The following PTK6 variants were observed in gnomAD, a reference collection of about 807,000 sequenced individuals.
PTK6 encodes the protein protein tyrosine kinase 6.
PTK6 carries 47 observed loss-of-function variants against 47.5 expected under a neutral mutation model. The observed-to-expected ratio is 0.99, with a 90% CI of 0.78 to 1.26. PTK6 has a LOEUF of 1.26. PTK6 is among the 50% of genes most tolerant of loss of function. The probability of loss-of-function intolerance (pLI) is 0.00; values close to 1 mark genes in which losing one functional copy is unlikely to be tolerated. For synonymous variants in PTK6, 287 were observed against 276.5 expected, an observed-to-expected ratio of 1.04 and a Z score of -0.38; for missense variants, 618 against 625.3, an observed-to-expected ratio of 0.99 and a Z score of 0.12.
Position 63,530,626 on chromosome 20 carries a change from T to C in PTK6, c.1014+120A>G, listed in dbSNP as rs2082610703. ...TCCCACCTCCCTGCCCAGCCTGGGC[T>C]CCCGAGGGCAGGGGCCGCATCCTGC... On this transcript the variant is annotated intron_variant, in intron 6 of 7. Transcript: ENST00000542869. This position sits in a 1 kb window ranked among gnomAD's most constrained non-coding sequence, Gnocchi z 4.1. The C allele has an allele frequency of 7.9e-7, 1 of 1,268,564 alleles. No homozygotes were observed. Among genetic ancestry groups the C allele is most frequent in the Non-Finnish European group, 1.1e-6 (1 of 931,900 alleles). 78.6% of individuals were successfully genotyped at this position (1,268,564 alleles called of 1,614,324 possible). A position where few individuals can be genotyped will look rare whatever the true frequency, so the allele number is the denominator to read the frequency against.
rs953109529 is a variant in PTK6 at position 63,533,267 on chromosome 20, C to T, written c.670+284G>A. ...ATTTTTAGTAGAGACGTGGTTTCCCCATGTTGGCCAGGCTGGTCTCAAACT... is the reference window on the plus strand; with the variant it reads ...ATTTTTAGTAGAGACGTGGTTTCCCTATGTTGGCCAGGCTGGTCTCAAACT... On this transcript the variant is annotated intron_variant, in intron 4 of 7. Coordinates refer to ENST00000542869, the MANE Select transcript of PTK6 (RefSeq NM_005975.4). The surrounding 1 kb of genome is among the most constrained non-coding windows in gnomAD (Gnocchi z 4.0). 3.3e-5 allele frequency among the ~76,000 whole-genome samples: 5 copies of T among 152,164 alleles called. No individual in the cohort carries two copies. Among genetic ancestry groups the T allele is most frequent in the Non-Finnish European group, 7.3e-5 (5 of 68,028 alleles).
intron 3 of PTK6, 26 bp downstream of exon 3, chr20:63,534,126 T>C: frequency 6.6e-7 from 1 of 1,522,792 alleles, no homozygotes; most frequent in South Asian, 1.2e-5. Context: ...TGACCCCGCG[T>C]GACCAAGTCA....
intron 5 of PTK6, 124 bp downstream of exon 5, chr20:63,532,402 T>G: frequency 8.0e-7 from 1 of 1,249,712 alleles, no homozygotes. Flanking sequence ...TGTGTGTGCA[T>G]GTGTGTGTCT....
In PTK6 at chr20:63,530,800, G is replaced by C; in HGVS notation, c.960C>G (p.Val320=). The C allele has an allele frequency of 6.2e-7, 1 of 1,614,012 alleles. No individual in the cohort carries two copies. Among genetic ancestry groups the C allele is most frequent in the Non-Finnish European group, 8.5e-7 (1 of 1,179,958 alleles). Residue 320 remains valine (V), a synonymous_variant, in exon 6 of 8, where the codon GTC becomes GTG. Coordinates refer to ENST00000542869, the MANE Select transcript of PTK6 (RefSeq NM_005975.4). This position sits in a 1 kb window ranked among gnomAD's most constrained non-coding sequence, Gnocchi z 4.1. The stretch of plus-strand genomic sequence containing the variant: ...CAACTTTGCAGAGGGTGTTTTCCCC[G>C]ACGAGGATGTTCCTGGCGGCCAGGT... ...HRDLAARNIL[V]GENTLCKVGD...
At position 63,529,655 on chromosome 20, in the gene PTK6, G is replaced by A. The variant is rs1326299859; in HGVS notation, c.1237C>T (p.Pro413Ser). 6.5e-7 allele frequency: 1 copy of A among 1,547,856 alleles called. No homozygotes were observed. Among genetic ancestry groups the A allele is most frequent in the Non-Finnish European group, 8.7e-7 (1 of 1,146,282 alleles). ...AGCATCAGCTTGTGCACGCTGGGCG[G>A]GCACTCCAGAGGGCAGGGCATGCGG... is the stretch of plus-strand genomic sequence containing the variant. ...GYRMPCPLEC[P>S]PSVHKLMLTC... Residue 413 changes from proline (P) to serine (S), a missense_variant, in exon 8 of 8, where the codon CCG becomes TCG. Physicochemically the swap from Pro to Ser is moderately conservative, Grantham distance 74 (BLOSUM62 -1). Coordinates refer to ENST00000542869, the MANE Select transcript of PTK6 (RefSeq NM_005975.4). This position sits in a 1 kb window ranked among gnomAD's most constrained non-coding sequence, Gnocchi z 5.6.
At chr20:63,534,344 C>T (rs1007594169) in intron 2 of PTK6, 29 bp from the exon 3 acceptor site, 2 of 1,565,010 alleles carry the variant, frequency 1.3e-6, no homozygotes. Context: ...GCTGTGTGGC[C>T]ACCCCAACTC....
chr20:63,536,775 G>T (rs1302043079), intron 1 of PTK6, among the ~76,000 whole-genome samples: 1 of 152,210 alleles, frequency 6.6e-6, no homozygotes. Context: ...TGGACCCTCT[G>T]TCCTCCCTGG....
intron 1 of PTK6, 39 bp downstream of exon 1, chr20:63,537,046 T>C (rs2082675178): frequency 6.4e-7 from 1 of 1,560,228 alleles, no homozygotes; most frequent in South Asian, 1.2e-5. Context: ...GCCTAGAGGG[T>C]GGCCTGTGCC....
chr20:63,534,158 G>A lies in PTK6; in HGVS notation c.510C>T (p.Cys170=), dbSNP rs1365743533. The part of the protein sequence containing the change: ...LSHGLRLAAP[C]RKHEPEPLPH... Reference sequence around the variant, plus strand: ...GTCAGGGCGGAGCGGCTACCTTCCGGCAGGGCGCGGCCAGCCGCAGGCCGT... The same window carrying A: ...GTCAGGGCGGAGCGGCTACCTTCCGACAGGGCGCGGCCAGCCGCAGGCCGT... The change falls in exon 3 of 8, where the codon TGC becomes TGT. Residue 170 remains cysteine (C), a synonymous_variant. Coordinates refer to ENST00000542869, the MANE Select transcript of PTK6 (RefSeq NM_005975.4). 7 of 1,549,934 alleles carry A rather than the reference G, an allele frequency of 4.5e-6. No homozygotes were observed. Among genetic ancestry groups the A allele is most frequent in the Non-Finnish European group, 6.1e-6 (7 of 1,148,218 alleles).
rs578027108 is a variant in PTK6, at chr20:63,529,268, C to T, written c.*268G>A. The T allele has an allele frequency of 2.8e-6, 1 of 356,796 alleles. No individual in the cohort carries two copies. Among genetic ancestry groups the T allele is most frequent in the African/African-American group, 2.1e-5 (1 of 46,886 alleles). 22.1% of individuals were successfully genotyped at this position (356,796 alleles called of 1,614,324 possible). A position where few individuals can be genotyped will look rare whatever the true frequency, so the allele number is the denominator to read the frequency against. ...GGCTGTGGTCAGAGTCCCCTCTGACCTCTGCTGGCTTCGTGTCAGTCTCCC... is the reference window on the plus strand; with the variant it reads ...GGCTGTGGTCAGAGTCCCCTCTGACTTCTGCTGGCTTCGTGTCAGTCTCCC... On this transcript the variant is annotated 3_prime_UTR_variant, in exon 8 of 8. Coordinates refer to ENST00000542869, the MANE Select transcript of PTK6 (RefSeq NM_005975.4). The surrounding 1 kb of genome is among the most constrained non-coding windows in gnomAD (Gnocchi z 5.6).
intron 2 of PTK6, 146 bp downstream of exon 2, chr20:63,534,792 A>G: frequency 4.0e-6 from 5 of 1,239,574 alleles, no homozygotes; most frequent in Non-Finnish European, 5.4e-6. Context: ...GGAGCGGGCC[A>G]GGTGGGCGGA....
At chr20:63,537,004 C>G in intron 1 of PTK6, 81 bp downstream of exon 1, 1 of 1,435,246 alleles carries the variant, frequency 7.0e-7, no homozygotes, top group South Asian at 1.3e-5. Flanking sequence ...TTGGGCCTCC[C>G]TGAGCAGCCC....
chr20:63,528,404 C>CTTTTTTT lies in PTK6; in HGVS notation c.*1125_*1131dup, dbSNP rs759127503. Reference sequence around the variant, plus strand: ...CTCCCAAAATTATTTTTCTTTCTTTCTTTTTTTTTTTTTTTTTTTTGAGAT... The same window carrying CTTTTTTT: ...CTCCCAAAATTATTTTTCTTTCTTTCTTTTTTTTTTTTTTTTTTTTTTTTTTTGAGAT... On this transcript the variant is annotated 3_prime_UTR_variant, in exon 8 of 8. Coordinates refer to ENST00000542869, the MANE Select transcript of PTK6 (RefSeq NM_005975.4). The CTTTTTTT allele has an allele frequency of 1.1e-4, 14 of 131,836 alleles. No homozygotes were observed. The highest frequency in any genetic ancestry group is 1.7e-4 in the African/African-American group (6 of 35,696). The allele number at this position is 131,836 out of a possible 1,614,324, so 8.2% of individuals were successfully genotyped here.
chr20:63,537,308 A>T lies in PTK6; in HGVS notation c.7T>A (p.Ser3Thr), dbSNP rs1289345903. MV[S>T]RDQAHLGPKY... ...GGGCCCAGGTGAGCCTGGTCCCGGGACACCATGGCGGGCGGGCGCAGCGGC... is the reference window on the plus strand; with the variant it reads ...GGGCCCAGGTGAGCCTGGTCCCGGGTCACCATGGCGGGCGGGCGCAGCGGC... The change falls in exon 1 of 8, where the codon TCC (serine) becomes ACC (threonine). Residue 3 changes from serine (S) to threonine (T), a missense_variant. Transcript: ENST00000542869. The T allele has an allele frequency of 6.2e-7, 1 of 1,609,490 alleles. No homozygotes were observed. Among genetic ancestry groups the T allele is most frequent in the African/African-American group, 1.3e-5 (1 of 74,984 alleles).
At position 63,530,049 on chromosome 20, in the gene PTK6, T is replaced by G; in HGVS notation, c.1168+29A>C. On this transcript the variant is annotated intron_variant, in intron 7 of 7. Coordinates refer to ENST00000542869, the MANE Select transcript of PTK6 (RefSeq NM_005975.4). The surrounding 1 kb of genome is among the most constrained non-coding windows in gnomAD (Gnocchi z 4.1). The stretch of plus-strand genomic sequence containing the variant: ...AGGACCTCCCCCACTCTGCCTCTCA[T>G]GCCCAGTCAGGGACAGTGGGGACAG... 6.2e-7 allele frequency: 1 copy of G among 1,611,780 alleles called. No individual in the cohort carries two copies. Among genetic ancestry groups the G allele is most frequent in the South Asian group, 1.1e-5 (1 of 91,052 alleles).
chr20:63,533,214 C>A lies in PTK6; in HGVS notation c.670+337G>T, dbSNP rs2082639158. 6.6e-6 allele frequency among the ~76,000 whole-genome samples: 1 copy of A among 152,054 alleles called. No homozygotes were observed. The highest frequency in any genetic ancestry group is 2.4e-5 in the African/African-American group (1 of 41,382). On this transcript the variant is annotated intron_variant, in intron 4 of 7. Coordinates refer to ENST00000542869, the MANE Select transcript of PTK6 (RefSeq NM_005975.4). The surrounding 1 kb of genome is among the most constrained non-coding windows in gnomAD (Gnocchi z 4.0). ...TCCCGAGTAGCTGGGACTACAGGCA[C>A]ATGCCTCCACACTCGGCTAATTTTT...
At chr20:63,535,615 C>G (rs1428440681) in intron 1 of PTK6, among the ~76,000 whole-genome samples, 1 of 151,964 alleles carries the variant, frequency 6.6e-6, no homozygotes, top group African/African-American at 2.4e-5. Context: ...TGACCTGCGC[C>G]CTTTGTGTGT....
chr20:63,534,035 C>T, intron 3 of PTK6, 117 bp downstream of exon 3: 5 of 1,331,660 alleles, frequency 3.8e-6, no homozygotes, highest in Non-Finnish European at 5.0e-6. Flanking sequence ...CAGTGGGCCC[C>T]AGGTCAGTGA....
chr20:63,535,346 G>A (rs917713037), intron 1 of PTK6, among the ~76,000 whole-genome samples: 16 of 152,162 alleles, frequency 1.1e-4, no homozygotes, highest in African/African-American at 3.6e-4. Context: ...GAGCTGGGGA[G>A]GGCAGCTGAG....
Sources: gnomAD v4.1 joint callset for allele counts (sites outside exome capture counted in the v4.1 genomes callset) on GRCh38, gnomAD v4.1.1 for gene constraint, Gnocchi (gnomAD v3.1) non-coding constraint, MANE v1.5 for transcripts, NCBI Gene and HGNC (gene_info 2026-07-23, HGNC 2026-07-21) for gene names.